RASAL1: variants seen among roughly 807,000 people sequenced by gnomAD.
RASAL1 encodes RAS protein activator like 1.
RASAL1 carries 72 observed loss-of-function variants against 96.6 expected under a neutral mutation model. The ratio of observed to expected loss-of-function variants is 0.75; its 90% CI spans 0.62 to 0.91. The LOEUF (loss-of-function observed/expected upper bound fraction) is 0.91, where lower values mean the gene tolerates loss of function less well. Ranked by LOEUF, RASAL1 falls within the 40% of genes least tolerant of loss-of-function variation. The pLI, the probability that RASAL1 is intolerant of heterozygous loss-of-function variation, is 0.00. For synonymous variants in RASAL1, 405 were observed against 430.4 expected (o/e 0.94, Z 0.73); for missense variants, 1,016 against 1,072.5 (o/e 0.95, Z 0.74).
rs780843452 is a variant in RASAL1 at position 113,105,838 on chromosome 12, C to G, written c.1706G>C (p.Arg569Pro). The stretch of plus-strand genomic sequence containing the variant: ...CTTGCGCTTCAGCAGATAGCCTTCT[C>G]GAACAATGGCCGAGGGCGGGAACAG... Reference protein sequence around the residue: ...RALFPPSAIVREGYLLKRKEE... With the variant: ...RALFPPSAIVPEGYLLKRKEE... Residue 569 changes from arginine to proline, a missense_variant, in exon 16 of 21, where the codon CGA (arginine) becomes CCA (proline). By Grantham distance (103) the Arg-to-Pro change is moderately radical. Transcript: ENST00000548055. The G allele has an allele frequency of 1.2e-6, 2 of 1,613,968 alleles. No homozygotes were observed. Among genetic ancestry groups the G allele is most frequent in the East Asian group, 2.2e-5 (1 of 44,904 alleles).
rs1950882914 is a variant in RASAL1 at position 113,112,095 on chromosome 12, G to A, written c.1365C>T (p.Ala455=). 2 of 1,241,730 alleles carry A rather than the reference G, an allele frequency of 1.6e-6. No individual in the cohort carries two copies. The highest frequency in any genetic ancestry group is 4.2e-5 in the Admixed American group (1 of 23,742). The allele number at this position is 1,241,730 out of a possible 1,614,324, so 76.9% of individuals were successfully genotyped here. ...HRRVEERFPQ[A]EHQDVKYLAI... ...TCCCATCCTGGCGCACCTGGTGCTC[G>A]GCCTGGGGGAAGCGCTCCTCCACTC... is the stretch of plus-strand genomic sequence containing the variant. Residue 455 remains alanine (A), a synonymous_variant, in exon 13 of 21, where the codon GCC becomes GCT. Transcript: ENST00000548055.
At chr12:113,126,996 ATATGT>A (rs994704828) in intron 4 of RASAL1, among the ~76,000 whole-genome samples, 1 of 148,506 alleles carries the variant, frequency 6.7e-6, no homozygotes, top group Non-Finnish European at 1.5e-5. Context: ...TTATATATAA[ATATGT>A]TATATGTTTA....
intron 20 of RASAL1, 65 bp from the exon 21 acceptor site, chr12:113,100,133 C>A: frequency 6.8e-7 from 1 of 1,469,194 alleles, no homozygotes; most frequent in Non-Finnish European, 9.1e-7. Context: ...TAACCCGGAC[C>A]CAATGGTTTC....
chr12:113,118,571 G>A (rs1951172560), intron 7 of RASAL1, among the ~76,000 whole-genome samples: 3 of 152,252 alleles, frequency 2.0e-5, no homozygotes, highest in South Asian at 4.1e-4. Context: ...AACTATTTGA[G>A]GAAATGCCAG....
intron 5 of RASAL1, 41 bp from the exon 6 acceptor site, chr12:113,119,484 C>G (rs1566059831): frequency 6.4e-7 from 1 of 1,553,254 alleles, no homozygotes; most frequent in East Asian, 2.4e-5. Context: ...ACACGGCACC[C>G]AAGTTGGGCC....
intron 1 of RASAL1, among the ~76,000 whole-genome samples, chr12:113,131,634 T>C (rs1951714306): frequency 6.6e-6 from 1 of 152,180 alleles, no homozygotes; most frequent in African/African-American, 2.4e-5. Flanking sequence ...TAAGTAGCTA[T>C]GAGTCATCTG....
Position 113,105,725 on chromosome 12 carries a change from G to A in RASAL1, c.1819C>T (p.Pro607Ser), listed in dbSNP as rs767551203. 1.9e-6 allele frequency: 3 copies of A among 1,608,836 alleles called. No homozygotes were observed. The highest frequency in any genetic ancestry group is 1.7e-6 in the Non-Finnish European group (2 of 1,176,560). The change falls in exon 16 of 21, where the codon CCT becomes TCT. Residue 607 changes from proline to serine, a missense_variant. Transcript: ENST00000548055. ...SGETLSFSKSPEWQMCHSIPV... is the reference protein window; with the variant it reads ...SGETLSFSKSSEWQMCHSIPV... ...GACTGGAACCCCACCTGCCACTCAG[G>A]ACTCTTGGAGAAGGAGAGGGTCTCC...
intron 4 of RASAL1, among the ~76,000 whole-genome samples, chr12:113,125,492 T>C (rs1308208674): frequency 6.6e-6 from 1 of 152,198 alleles, no homozygotes; most frequent in Non-Finnish European, 1.5e-5. Flanking sequence ...TCTTCAAAAC[T>C]GTATATAAAA....
chr12:113,126,874 C>G (rs1335028105), intron 4 of RASAL1, among the ~76,000 whole-genome samples: 1 of 151,018 alleles, frequency 6.6e-6, no homozygotes, highest in Admixed American at 6.6e-5. Context: ...GCACCTGCCT[C>G]TCAGGGTTAT....
rs750139446 is a variant in RASAL1, at chr12:113,107,587, C to T, written c.1513-346G>A. 4.9e-5 allele frequency: 24 copies of T among 492,980 alleles called. 2 individuals are homozygous for T. The highest frequency in any genetic ancestry group is 1.6e-4 in the South Asian group (10 of 63,468). The allele number at this position is 492,980 out of a possible 1,614,324, so 30.5% of individuals were successfully genotyped here. On this transcript the variant is annotated intron_variant, in intron 14 of 20. Coordinates refer to ENST00000548055, the MANE Select transcript of RASAL1 (RefSeq NM_001301202.2). ...GCAGTAAGCCAAGATCGTGCCACTG[C>T]ACTCCAGCCTGGGTGACAGAGCGAG... is the stretch of plus-strand genomic sequence containing the variant.
Position 113,099,993 on chromosome 12 carries a change from C to T in RASAL1, c.2354G>A (p.Arg785His), listed in dbSNP as rs201380507. Residue 785 changes from arginine (R) to histidine (H), a missense_variant, in exon 21 of 21, where the codon CGT becomes CAT. Coordinates refer to ENST00000548055, the MANE Select transcript of RASAL1 (RefSeq NM_001301202.2). ...RLLEVLADLD[R>H]AHEEFQQQER... ...CTGCTGCTGGAACTCCTCGTGGGCACGATCCAGGTCTGCGAGCACCTCCAG... is the reference window on the plus strand; with the variant it reads ...CTGCTGCTGGAACTCCTCGTGGGCATGATCCAGGTCTGCGAGCACCTCCAG... 1.7e-5 allele frequency: 27 copies of T among 1,613,806 alleles called. No individual in the cohort carries two copies. Among genetic ancestry groups the T allele is most frequent in the Admixed American group, 5.0e-5 (3 of 60,018 alleles).
rs1311576696 is a variant in RASAL1, at chr12:113,099,887, C to A, written c.*42G>T. The A allele has an allele frequency of 6.3e-7, 1 of 1,583,178 alleles. No individual in the cohort carries two copies. Among genetic ancestry groups the A allele is most frequent in the South Asian group, 1.1e-5 (1 of 88,360 alleles). ...GGGCAGGATGCGCTGAAGAGGGCCC[C>A]CTGGCTCTTGCTCCTCCTTCCGGGC... On this transcript the variant is annotated 3_prime_UTR_variant, in exon 21 of 21. Coordinates refer to ENST00000548055, the MANE Select transcript of RASAL1 (RefSeq NM_001301202.2).
chr12:113,127,899 T>C, intron 3 of RASAL1, 26 bp from the exon 4 acceptor site: 1 of 1,611,194 alleles, frequency 6.2e-7, no homozygotes, highest in South Asian at 1.1e-5. Flanking sequence ...CACGTGAAGG[T>C]CTGAGTCAGG....
chr12:113,122,061 G>T (rs902626119), intron 4 of RASAL1, among the ~76,000 whole-genome samples: 2 of 152,134 alleles, frequency 1.3e-5, no homozygotes, highest in Non-Finnish European at 2.9e-5. Context: ...CCTGGCTTCT[G>T]ATATAGGTGC....
chr12:113,134,376 A>G (rs1232731659), intron 1 of RASAL1, among the ~76,000 whole-genome samples: 1 of 152,080 alleles, frequency 6.6e-6, no homozygotes, highest in Non-Finnish European at 1.5e-5. Context: ...GCTAAGACTG[A>G]ATCTTGACAC....
At position 113,135,171 on chromosome 12, in the gene RASAL1, C is replaced by T. The variant is rs541713090; in HGVS notation, c.65+227G>A. Among the ~76,000 whole-genome samples, 7 of 152,266 alleles carry T rather than the reference C, an allele frequency of 4.6e-5. No homozygotes were observed. In the East Asian group the frequency reaches 1.4e-3, roughly 30 times the overall value. On this transcript the variant is annotated intron_variant, in intron 1 of 20. Transcript: ENST00000548055. This position sits in a 1 kb window ranked among gnomAD's most constrained non-coding sequence, Gnocchi z 5.7. ...GGGAACAAAGACACCCCCTCCCCTG[C>T]CCGGGGGTGAGGCGGGGCATCTGCT...
At position 113,099,899 on chromosome 12, in the gene RASAL1, T is replaced by C. The variant is rs777811863; in HGVS notation, c.*30A>G. On this transcript the variant is annotated 3_prime_UTR_variant, in exon 21 of 21. Transcript: ENST00000548055. ...CTGAAGAGGGCCCCCTGGCTCTTGCTCCTCCTTCCGGGCTAGCTCTGGCAT... is the reference window on the plus strand; with the variant it reads ...CTGAAGAGGGCCCCCTGGCTCTTGCCCCTCCTTCCGGGCTAGCTCTGGCAT... The C allele has an allele frequency of 1.9e-6, 3 of 1,590,226 alleles. No individual in the cohort carries two copies. The South Asian group carries it at 3.4e-5, about 18-fold the overall frequency.
Position 113,112,002 on chromosome 12 carries a change from G to A in RASAL1, c.1374+84C>T, listed in dbSNP as rs536372286. The A allele has an allele frequency of 1.1e-4, 123 of 1,159,302 alleles. 1 individual carries two copies. In the Middle Eastern group the frequency reaches 4.9e-3, roughly 46 times the overall value. The allele number at this position is 1,159,302 out of a possible 1,614,324, so 71.8% of individuals were successfully genotyped here. ...CTCTAGTGCCGGCAGCCTAGGTTCT[G>A]GTCACAGTTCTGTCCTGACTCCTCC... On this transcript the variant is annotated intron_variant, in intron 13 of 20. Transcript: ENST00000548055.
chr12:113,122,665 C>T (rs916838460), intron 4 of RASAL1, among the ~76,000 whole-genome samples: 4 of 152,220 alleles, frequency 2.6e-5, no homozygotes, highest in Non-Finnish European at 5.9e-5. Flanking sequence ...GTCTCTGATG[C>T]ACTGCAGTTT....
Sources: gnomAD v4.1 joint callset for allele counts (sites outside exome capture counted in the v4.1 genomes callset) on GRCh38, gnomAD v4.1.1 for gene constraint, Gnocchi (gnomAD v3.1) non-coding constraint, MANE v1.5 for transcripts, NCBI Gene and HGNC (gene_info 2026-07-23, HGNC 2026-07-21) for gene names.